GLIS3: variants seen among roughly 807,000 people sequenced by gnomAD.
GLIS3 encodes the protein zinc finger protein GLIS3.
Under a neutral mutation model 78.6 loss-of-function variants are expected in GLIS3, and 53 were observed. The observed-to-expected ratio is 0.67, with a 90% CI of 0.54 to 0.85. GLIS3 has a LOEUF of 0.85. Ranked by LOEUF, GLIS3 falls within the 40% of genes least tolerant of loss-of-function variation. GLIS3 has a pLI of 0.00. For synonymous variants in GLIS3, 684 were observed against 509.9 expected (o/e 1.34, Z -4.60); for missense variants, 1,703 against 1,231.1 (o/e 1.38, Z -5.74).
intron 4 of GLIS3, among the ~76,000 whole-genome samples, chr9:4,022,655 T>C (rs1055179563): frequency 6.6e-6 from 1 of 152,040 alleles, no homozygotes; most frequent in Non-Finnish European, 1.5e-5. Context: ...TTCACAATAG[T>C]CAAAAACTGG....
chr9:4,099,188 C>G (rs916034597), intron 4 of GLIS3, among the ~76,000 whole-genome samples: 2 of 152,224 alleles, frequency 1.3e-5, no homozygotes, highest in African/African-American at 4.8e-5. Flanking sequence ...CAAAGCATCA[C>G]AACCTTAAAA....
At chr9:4,021,216 G>A (rs555401517) in intron 4 of GLIS3, among the ~76,000 whole-genome samples, 2 of 152,126 alleles carry the variant, frequency 1.3e-5, no homozygotes, top group Non-Finnish European at 2.9e-5. Flanking sequence ...CTACATTAGA[G>A]ATAAAAACCA....
chr9:3,843,915 C>A (rs770696684), intron 9 of GLIS3, among the ~76,000 whole-genome samples: 52 of 152,002 alleles, frequency 3.4e-4, no homozygotes, highest in Admixed American at 6.6e-4. Context: ...GAAAAAATAC[C>A]GAAATGTTTT....
intron 6 of GLIS3, among the ~76,000 whole-genome samples, chr9:3,920,292 T>C (rs1824798257): frequency 6.6e-6 from 1 of 152,310 alleles, no homozygotes; most frequent in Admixed American, 6.5e-5. Flanking sequence ...CATGAGCCAC[T>C]GTGCCCGGCC....
intron 2 of GLIS3, among the ~76,000 whole-genome samples, chr9:4,216,085 G>A (rs1164353238): frequency 6.6e-6 from 1 of 151,762 alleles, no homozygotes; most frequent in Non-Finnish European, 1.5e-5. Flanking sequence ...AGAGAAGATT[G>A]TTTAAAAAAA....
At chr9:4,092,326 G>T (rs1031008788) in intron 4 of GLIS3, among the ~76,000 whole-genome samples, 4 of 151,552 alleles carry the variant, frequency 2.6e-5, no homozygotes, top group Non-Finnish European at 2.9e-5. Flanking sequence ...TCATTTTTTT[G>T]TATTTTTAGT....
intron 3 of GLIS3, among the ~76,000 whole-genome samples, chr9:4,124,217 C>A (rs997242031): frequency 2.6e-5 from 4 of 152,066 alleles, no homozygotes; most frequent in African/African-American, 9.7e-5. Context: ...TAGAAGGACT[C>A]AAATAATAAA....
intron 9 of GLIS3, among the ~76,000 whole-genome samples, chr9:3,831,380 T>C (rs763250427): frequency 6.6e-6 from 1 of 152,112 alleles, no homozygotes; most frequent in South Asian, 2.1e-4. Context: ...AACTGTAAAC[T>C]CTCAAGCCCA....
the GLIS3 span, among the ~76,000 whole-genome samples, chr9:4,396,782 C>A: frequency 6.6e-6 from 1 of 152,206 alleles, no homozygotes; most frequent in Admixed American, 6.5e-5. Flanking sequence ...TCATGGAACC[C>A]AGGTTATAAC....
At chr9:4,160,869 A>G (rs528092996) in intron 2 of GLIS3, among the ~76,000 whole-genome samples, 23 of 152,262 alleles carry the variant, frequency 1.5e-4, no homozygotes, top group African/African-American at 5.3e-4. Flanking sequence ...CTCAATACTC[A>G]TTGTGTGTGC....
chr9:3,902,271 G>A (rs1823360925), intron 6 of GLIS3, among the ~76,000 whole-genome samples: 1 of 152,174 alleles, frequency 6.6e-6, no homozygotes, highest in Non-Finnish European at 1.5e-5. Flanking sequence ...CGTATGCATA[G>A]AAACGCAGTC....
intron 4 of GLIS3, among the ~76,000 whole-genome samples, chr9:3,968,070 A>T (rs2130910350): frequency 1.3e-5 from 2 of 152,304 alleles, no homozygotes; most frequent in Middle Eastern, 3.4e-3. Flanking sequence ...AATCTGTCCG[A>T]AGGTGTGGGC....
chr9:4,153,050 T>C (rs1834797646), intron 2 of GLIS3, among the ~76,000 whole-genome samples: 1 of 152,178 alleles, frequency 6.6e-6, no homozygotes, highest in Non-Finnish European at 1.5e-5. Context: ...GAGCAGCATC[T>C]CTAGCCTCTT....
chr9:4,273,654 A>G (rs1178238746), intron 2 of GLIS3, among the ~76,000 whole-genome samples: 1 of 151,436 alleles, frequency 6.6e-6, no homozygotes, highest in African/African-American at 2.4e-5. Context: ...CACATTTATC[A>G]TCTAACTTCA....
the GLIS3 span, among the ~76,000 whole-genome samples, chr9:4,424,314 T>C: frequency 6.5e-4 from 99 of 152,318 alleles, no homozygotes; most frequent in African/African-American, 2.2e-3. Context: ...TCTGTTTCCC[T>C]ATCTGTGAAA....
intron 2 of GLIS3, among the ~76,000 whole-genome samples, chr9:4,241,079 C>A (rs1271275139): frequency 6.6e-6 from 1 of 152,174 alleles, no homozygotes; most frequent in African/African-American, 2.4e-5. Context: ...CTCTCCCCAA[C>A]TGGACAAACC....
intron 4 of GLIS3, among the ~76,000 whole-genome samples, chr9:4,099,237 A>G (rs1830183585): frequency 6.6e-6 from 1 of 152,218 alleles, no homozygotes; most frequent in Non-Finnish European, 1.5e-5. Context: ...GGCTTAAAAT[A>G]ACAGAAATGT....
chr9:4,064,180 C>A (rs1359955958), intron 4 of GLIS3, among the ~76,000 whole-genome samples: 1 of 151,876 alleles, frequency 6.6e-6, no homozygotes, highest in Non-Finnish European at 1.5e-5. Flanking sequence ...CTGAGAAAAC[C>A]TATTTACTGA....
chr9:4,360,848 G>A, the GLIS3 span, among the ~76,000 whole-genome samples: 1 of 152,182 alleles, frequency 6.6e-6, no homozygotes, highest in Non-Finnish European at 1.5e-5. Flanking sequence ...TGTGCATTTG[G>A]GAATGATGCC....
Sources: gnomAD v4.1 joint callset for allele counts (sites outside exome capture counted in the v4.1 genomes callset) on GRCh38, gnomAD v4.1.1 for gene constraint, MANE v1.5 for transcripts, NCBI Gene and HGNC (gene_info 2026-07-23, HGNC 2026-07-21) for gene names.